P3H1: variants seen among roughly 807,000 people sequenced by gnomAD.
P3H1 encodes the protein prolyl 3-hydroxylase 1.
A neutral mutation model predicts 84.0 loss-of-function variants in P3H1; 69 were observed. That is an observed-to-expected ratio of 0.82 (90% CI 0.68 to 1.00). The LOEUF is 1.00. P3H1 is among the 50% of genes least tolerant of loss of function. The pLI is 0.00. For synonymous variants in P3H1, 366 were observed against 388.8 expected, an observed-to-expected ratio of 0.94 and a Z score of 0.69; for missense variants, 878 against 962.8, an observed-to-expected ratio of 0.91 and a Z score of 1.17.
intron 8 of P3H1, 28 bp from the exon 9 acceptor site, chr1:42,752,692 A>C (rs1411940386): frequency 6.2e-7 from 1 of 1,613,984 alleles, no homozygotes; most frequent in South Asian, 1.1e-5. Flanking sequence ...AACTCTAGCT[A>C]AATCTAGCAG....
rs1252974917 is a variant in P3H1 at position 42,754,856 on chromosome 1, T to C, written c.1345+13A>G. On this transcript the variant is annotated intron_variant, in intron 8 of 14. Coordinates refer to ENST00000296388, the MANE Select transcript of P3H1 (RefSeq NM_022356.4). This position sits in a 1 kb window ranked among gnomAD's most constrained non-coding sequence, Gnocchi z 4.0. ...GACAACAGCCAGACATGCCCCTATT[T>C]CTGTCCTCTCACCTTCCCGGGTCAG... 1.2e-6 allele frequency: 2 copies of C among 1,614,164 alleles called. No homozygotes were observed. Among genetic ancestry groups the C allele is most frequent in the Non-Finnish European group, 1.7e-6 (2 of 1,180,000 alleles).
intron 1 of P3H1, among the ~76,000 whole-genome samples, chr1:42,765,541 C>A (rs1351210560): frequency 6.6e-6 from 1 of 151,888 alleles, no homozygotes; most frequent in African/African-American, 2.4e-5. Flanking sequence ...GCGACATAAC[C>A]AAAGACATAA....
chr1:42,765,636 G>A (rs1470679347), intron 1 of P3H1, among the ~76,000 whole-genome samples: 4 of 152,128 alleles, frequency 2.6e-5, no homozygotes, highest in Non-Finnish European at 4.4e-5. Context: ...TGCTGTGGAG[G>A]GGTGGAAATC....
intron 10 of P3H1, chr1:42,751,951 CCTT>C (rs1171967176): frequency 1.0e-5 from 4 of 393,844 alleles, no homozygotes; most frequent in African/African-American, 6.2e-5. Context: ...TTCCTCCTGT[CCTT>C]CTTATCTCTC....
At chr1:42,746,906 T>C (rs1651747390) in intron 14 of P3H1, 54 bp from the exon 15 acceptor site, 1 of 1,614,048 alleles carries the variant, frequency 6.2e-7, no homozygotes, top group African/African-American at 1.3e-5. Flanking sequence ...AGACACTCGC[T>C]ATCTCTCAGC....
rs771496600 is a variant in P3H1, at chr1:42,754,924, G to C, written c.1290C>G (p.Thr430=). The change falls in exon 8 of 15, where the codon ACC becomes ACG. Residue 430 remains threonine (T), a synonymous_variant. Transcript: ENST00000296388. This position sits in a 1 kb window ranked among gnomAD's most constrained non-coding sequence, Gnocchi z 4.0. Reference sequence around the variant, plus strand: ...ACTCCTTGGTCTTCTCTTCCACAAGGGTCTCGATTTCCTTCATAAGGTTCC... The same window carrying C: ...ACTCCTTGGTCTTCTCTTCCACAAGCGTCTCGATTTCCTTCATAAGGTTCC... ...EIGNLMKEIE[T]LVEEKTKESL... 8.1e-6 allele frequency: 13 copies of C among 1,614,030 alleles called. No homozygotes were observed. Among genetic ancestry groups the C allele is most frequent in the Middle Eastern group, 1.6e-4 (1 of 6,084 alleles).
At chr1:42,747,153 C>T in intron 14 of P3H1, 119 bp downstream of exon 14, 4 of 1,614,202 alleles carry the variant, frequency 2.5e-6, no homozygotes, top group Middle Eastern at 1.6e-4. Context: ...GTCCCAAGTG[C>T]TCCTTTCGTG....
At chr1:42,765,135 T>C (rs779636218) in intron 1 of P3H1, among the ~76,000 whole-genome samples, 13 of 152,230 alleles carry the variant, frequency 8.5e-5, no homozygotes, top group South Asian at 4.1e-4. Flanking sequence ...TCACTGACTT[T>C]TCTAGCCGCC....
rs1418934935 is a variant in P3H1 at position 42,752,299 on chromosome 1, C to T, written c.1544G>A (p.Gly515Asp). The T allele has an allele frequency of 6.2e-7, 1 of 1,613,956 alleles. No homozygotes were observed. The highest frequency in any genetic ancestry group is 1.3e-5 in the African/African-American group (1 of 74,896). ...SPHTPNEKFYGVTVFKALKLG... is the reference protein window; with the variant it reads ...SPHTPNEKFYDVTVFKALKLG... The stretch of plus-strand genomic sequence containing the variant: ...CTTGAGGGCTTTGAAGACAGTGACA[C>T]CATAGAACTTTTCATTGGGAGTATG... The change falls in exon 10 of 15, where the codon GGT becomes GAT. Residue 515 changes from glycine to aspartate, a missense_variant. Transcript: ENST00000296388.
rs1652752986 is a variant in P3H1 at position 42,762,169 on chromosome 1, G to A, written c.618+154C>T. 4.2e-6 allele frequency: 3 copies of A among 717,610 alleles called. No homozygotes were observed. The East Asian group carries it at 8.0e-5, about 19-fold the overall frequency. The allele number at this position is 717,610 out of a possible 1,614,324, so 44.5% of individuals were successfully genotyped here. A position where few individuals can be genotyped will look rare whatever the true frequency, so the allele number is the denominator to read the frequency against. On this transcript the variant is annotated intron_variant, in intron 2 of 14. Coordinates refer to ENST00000296388, the MANE Select transcript of P3H1 (RefSeq NM_022356.4). Reference sequence around the variant, plus strand: ...GCCTGTAGTCCCAACTACTCAGGAGGCCGAGACTAGAGGGTCTCTTGAGTC... The same window carrying A: ...GCCTGTAGTCCCAACTACTCAGGAGACCGAGACTAGAGGGTCTCTTGAGTC...
rs1652331533 is a variant in P3H1, at chr1:42,755,227, T to C, written c.1171-10A>G. ...CTGGAGTCCATGAATCCTAAGTAGG[T>C]CAGGAAGAAATGAAAAAGGTAAGAT... On this transcript the variant is annotated splice_polypyrimidine_tract_variant and intron_variant, in intron 6 of 14. Coordinates refer to ENST00000296388, the MANE Select transcript of P3H1 (RefSeq NM_022356.4). 1 of 1,613,396 alleles carries C rather than the reference T, an allele frequency of 6.2e-7. No individual in the cohort carries two copies. The highest frequency in any genetic ancestry group is 1.3e-5 in the African/African-American group (1 of 75,036).
chr1:42,762,277 A>T (rs1375221737), intron 2 of P3H1, 46 bp downstream of exon 2: 1 of 1,593,542 alleles, frequency 6.3e-7, no homozygotes, highest in Non-Finnish European at 8.6e-7. Context: ...TCTCTAAAAT[A>T]AATTTAAAAA....
chr1:42,766,006 GTC>G (rs781580047), intron 1 of P3H1, among the ~76,000 whole-genome samples: 1 of 89,876 alleles, frequency 1.1e-5, no homozygotes. Flanking sequence ...TAGCCAGAGG[GTC>G]CCCCCCCCGC....
Position 42,752,655 on chromosome 1 carries a change from AG to A in P3H1, c.1354del (p.Leu452CysfsTer10). On this transcript the variant is annotated frameshift_variant, in exon 9 of 15. Transcript: ENST00000296388. LOFTEE classifies it high-confidence loss of function. ...GGTGAGACTGATGCCTTCATACAGC[AG>A]GGGGCCACCTGCAAAGCAATGACAA... Reference protein sequence around the residue: ...VSRLTREGGPLLYEGISLTMN... With the variant: ...VSRLTREGGPXLYEGISLTMN... 6.2e-7 allele frequency: 1 copy of A among 1,614,198 alleles called. No homozygotes were observed. Among genetic ancestry groups the A allele is most frequent in the Admixed American group, 1.7e-5 (1 of 60,018 alleles).
Position 42,758,995 on chromosome 1 carries a change from C to T in P3H1, c.809-12G>A, listed in dbSNP as rs1652554096. On this transcript the variant is annotated splice_polypyrimidine_tract_variant and intron_variant, in intron 3 of 14. Coordinates refer to ENST00000296388, the MANE Select transcript of P3H1 (RefSeq NM_022356.4). ...CTGGATGTAATGATCTGAAAGGAAT[C>T]AAACAGAAGGAATAACTATGAGGTC... 5 of 1,614,076 alleles carry T rather than the reference C, an allele frequency of 3.1e-6. No homozygotes were observed. Among genetic ancestry groups the T allele is most frequent in the Middle Eastern group, 3.3e-4 (2 of 6,062 alleles).
intron 11 of P3H1, 35 bp from the exon 12 acceptor site, chr1:42,748,352 A>G: frequency 6.8e-7 from 1 of 1,471,114 alleles, no homozygotes. Flanking sequence ...GCAAGGGAGC[A>G]CCTCGGGAGA....
chr1:42,748,581 C>T (rs1651861158), intron 11 of P3H1: 2 of 498,904 alleles, frequency 4.0e-6, no homozygotes, highest in Admixed American at 3.0e-5. Context: ...CAGAATGGCA[C>T]AACCCTGGTT....
chr1:42,765,639 T>C (rs1652945767), intron 1 of P3H1, among the ~76,000 whole-genome samples: 1 of 151,876 alleles, frequency 6.6e-6, no homozygotes, highest in Admixed American at 6.6e-5. Context: ...TGTGGAGGGG[T>C]GGAAATCTGA....
intron 1 of P3H1, among the ~76,000 whole-genome samples, chr1:42,764,441 A>AG (rs34645875): frequency 0.2 from 26,109 of 131,560 alleles, 2,836 homozygotes; most frequent in Non-Finnish European, 0.26. Flanking sequence ...AAAAAAAAAA[A>AG]AAAGAAAGAA....
Sources: gnomAD v4.1 joint callset for allele counts (sites outside exome capture counted in the v4.1 genomes callset) on GRCh38, gnomAD v4.1.1 for gene constraint, Gnocchi (gnomAD v3.1) non-coding constraint, MANE v1.5 for transcripts, NCBI Gene and HGNC (gene_info 2026-07-23, HGNC 2026-07-21) for gene names.